The following OXR1 variants were observed in gnomAD, a reference collection of about 807,000 sequenced individuals.
OXR1 encodes oxidation resistance 1, also known as oxidation resistance protein 1.
OXR1 carries 41 observed loss-of-function variants against 104.6 expected under a neutral mutation model. The observed-to-expected ratio is 0.39, with a 90% CI of 0.31 to 0.51. The LOEUF (loss-of-function observed/expected upper bound fraction) is 0.51. OXR1 is among the 20% of genes least tolerant of loss of function. The pLI is 0.77. For missense variants in OXR1, 955 were observed against 1,031.9 expected, an observed-to-expected ratio of 0.93 and a Z score of 1.02; for synonymous variants, 348 against 348.4, an observed-to-expected ratio of 1.00 and a Z score of 0.01.
chr8:106,668,249 A>G (rs1237979924), intron 3 of OXR1, among the ~76,000 whole-genome samples: 3 of 152,190 alleles, frequency 2.0e-5, no homozygotes, highest in Non-Finnish European at 4.4e-5. Flanking sequence ...TTTTGATACA[A>G]TTGGCATAAT....
At chr8:106,400,209 C>A (rs907114268) in intron 2 of OXR1, among the ~76,000 whole-genome samples, 1 of 151,996 alleles carries the variant, frequency 6.6e-6, no homozygotes, top group East Asian at 1.9e-4. Context: ...GGTTTATGTT[C>A]TTTGTATATA....
intron 1 of OXR1, among the ~76,000 whole-genome samples, chr8:106,309,215 C>T (rs1813595238): frequency 6.6e-6 from 1 of 152,136 alleles, no homozygotes; most frequent in Non-Finnish European, 1.5e-5. Context: ...CTCTGGGGCT[C>T]ACGTGATCCT....
chr8:106,478,189 C>T (rs181050136), intron 2 of OXR1, among the ~76,000 whole-genome samples: 10 of 151,660 alleles, frequency 6.6e-5, no homozygotes, highest in South Asian at 2.1e-4. Context: ...TATCAGTGTG[C>T]GAATTTTATG....
At chr8:106,653,081 A>ATATATATATAT (rs374747254) in intron 3 of OXR1, among the ~76,000 whole-genome samples, 8 of 121,716 alleles carry the variant, frequency 6.6e-5, no homozygotes, top group Non-Finnish European at 6.8e-5. Flanking sequence ...GAAAAAAAAA[A>ATATATATATAT]AAATATATAT....
In OXR1 at chr8:106,416,123, AG is replaced by A. The variant is rs1818667996; in HGVS notation, c.23+56489del. On this transcript the variant is annotated intron_variant, in intron 2 of 16. Coordinates refer to ENST00000517566, the MANE Select transcript of OXR1 (RefSeq NM_001198533.2). The stretch of plus-strand genomic sequence containing the variant: ...AGGTTAGAGAATGGCTAATTAGAGG[AG>A]GTGACCTTTTATCTGAGTTGTAATG... Among the ~76,000 whole-genome samples the A allele has an allele frequency of 2.6e-5, 4 of 152,150 alleles. No homozygotes were observed. The South Asian group carries it at 8.3e-4, about 31-fold the overall frequency.
intron 3 of OXR1, among the ~76,000 whole-genome samples, chr8:106,587,786 T>C (rs554823390): frequency 1.3e-5 from 2 of 152,218 alleles, no homozygotes; most frequent in East Asian, 3.9e-4. Flanking sequence ...GGAACATTAA[T>C]ATTTGAATCA....
At chr8:106,378,532 G>A (rs972288391) in intron 2 of OXR1, among the ~76,000 whole-genome samples, 3 of 152,126 alleles carry the variant, frequency 2.0e-5, no homozygotes, top group Non-Finnish European at 4.4e-5. Flanking sequence ...TTTTTGAGAC[G>A]GAGTTTCACT....
intron 3 of OXR1, among the ~76,000 whole-genome samples, chr8:106,561,706 A>G (rs539605886): frequency 2.4e-4 from 36 of 152,212 alleles, no homozygotes; most frequent in Non-Finnish European, 4.3e-4. Flanking sequence ...AATGGTCGAC[A>G]GACACCTCAT....
intron 3 of OXR1, among the ~76,000 whole-genome samples, chr8:106,616,566 T>C (rs984284714): frequency 5.3e-5 from 8 of 152,168 alleles, no homozygotes; most frequent in African/African-American, 1.9e-4. Flanking sequence ...ATTTATATCA[T>C]TTTCCTGCAA....
At chr8:106,413,754 C>CA (rs1391091921) in intron 2 of OXR1, among the ~76,000 whole-genome samples, 14 of 146,994 alleles carry the variant, frequency 9.5e-5, no homozygotes, top group African/African-American at 3.3e-4. Context: ...GACAAAGTCT[C>CA]AATCTGTCAC....
At chr8:106,693,970 T>C (rs998639738) in intron 7 of OXR1, among the ~76,000 whole-genome samples, 1 of 152,180 alleles carries the variant, frequency 6.6e-6, no homozygotes, top group African/African-American at 2.4e-5. Flanking sequence ...CATTTTGCCC[T>C]AAATATTGTT....
chr8:106,466,019 G>C (rs151246813), intron 2 of OXR1, among the ~76,000 whole-genome samples: 3 of 152,056 alleles, frequency 2.0e-5, no homozygotes, highest in African/African-American at 7.2e-5. Context: ...TGTCCAAAGA[G>C]TATTCATCAA....
chr8:106,524,154 C>T (rs1331565840), intron 3 of OXR1, among the ~76,000 whole-genome samples: 2 of 152,162 alleles, frequency 1.3e-5, no homozygotes, highest in Non-Finnish European at 2.9e-5. Context: ...GCATAAGAAA[C>T]ATATCCTTCA....
At chr8:106,375,610 G>A (rs1474710077) in intron 2 of OXR1, among the ~76,000 whole-genome samples, 1 of 152,158 alleles carries the variant, frequency 6.6e-6, no homozygotes, top group Admixed American at 6.5e-5. Flanking sequence ...TGACTACTAG[G>A]AAAGGGATGG....
intron 1 of OXR1, among the ~76,000 whole-genome samples, chr8:106,287,548 A>G (rs1812550389): frequency 6.6e-6 from 1 of 152,198 alleles, no homozygotes; most frequent in Non-Finnish European, 1.5e-5. Context: ...CCAATTTCCC[A>G]CATGGCATCA....
chr8:106,737,643 T>C (rs929653565), intron 12 of OXR1, 43 bp downstream of exon 12: 9 of 726,518 alleles, frequency 1.2e-5, no homozygotes, highest in African/African-American at 3.6e-5. Flanking sequence ...GACTAAATAC[T>C]CCCTGTTTTT....
intron 3 of OXR1, among the ~76,000 whole-genome samples, chr8:106,606,796 G>C (rs962915751): frequency 6.6e-6 from 1 of 151,914 alleles, no homozygotes; most frequent in African/African-American, 2.4e-5. Context: ...CAGATTCCAG[G>C]GATCAATATA....
At chr8:106,303,339 C>G (rs901540838) in intron 1 of OXR1, among the ~76,000 whole-genome samples, 2 of 149,310 alleles carry the variant, frequency 1.3e-5, no homozygotes, top group African/African-American at 5.0e-5. Context: ...CTGCAAGCTC[C>G]GCCTCCCAGG....
chr8:106,342,051 A>C (rs1452246972), intron 1 of OXR1, among the ~76,000 whole-genome samples: 1 of 149,198 alleles, frequency 6.7e-6, no homozygotes, highest in Non-Finnish European at 1.5e-5. Context: ...GATTAAAAAA[A>C]AAAATTCTTT....
Sources: allele counts gnomAD v4.1 joint callset (sites outside exome capture counted in the v4.1 genomes callset), GRCh38; gene constraint gnomAD v4.1.1; transcripts MANE v1.5; gene names NCBI Gene and HGNC (gene_info 2026-07-23, HGNC 2026-07-21).